The following MACROD2 variants were observed in gnomAD, a reference collection of about 807,000 sequenced individuals.
MACROD2 encodes the protein ADP-ribose glycohydrolase MACROD2.
MACROD2 carries 36 observed loss-of-function variants against 70.4 expected under a neutral mutation model. The observed-to-expected ratio is 0.51, with a 90% CI of 0.39 to 0.68. MACROD2 has a LOEUF of 0.68. MACROD2 is among the 30% of genes least tolerant of loss of function. The pLI is 0.00. For missense variants in MACROD2, 496 were observed against 538.4 expected, an observed-to-expected ratio of 0.92 and a Z score of 0.78; for synonymous variants, 172 against 178.8, an observed-to-expected ratio of 0.96 and a Z score of 0.30.
At chr20:14,923,781 C>T (rs1050619293) in intron 5 of MACROD2, among the ~76,000 whole-genome samples, 17 of 19,448 alleles carry the variant, frequency 8.7e-4, no homozygotes, top group African/African-American at 3.4e-3. Context: ...CCTAGGCTGG[C>T]GGTGCGTTGG....
chr20:14,132,129 CAAA>C (rs34790385), intron 3 of MACROD2, among the ~76,000 whole-genome samples: 1 of 96,600 alleles, frequency 1.0e-5, no homozygotes. Flanking sequence ...AGACTCTATC[CAAA>C]AAAAAAAAAA....
At chr20:14,370,649 T>C (rs1161034129) in intron 3 of MACROD2, among the ~76,000 whole-genome samples, 1 of 152,324 alleles carries the variant, frequency 6.6e-6, no homozygotes, top group East Asian at 1.9e-4. Context: ...ATAGCCTGTT[T>C]TAAGGATAGA....
intron 5 of MACROD2, among the ~76,000 whole-genome samples, chr20:14,869,600 T>C (rs976376036): frequency 9.8e-5 from 15 of 152,288 alleles, no homozygotes; most frequent in Admixed American, 3.3e-4. Context: ...ATAAATCTTC[T>C]TGTTGATGAA....
intron 3 of MACROD2, among the ~76,000 whole-genome samples, chr20:14,267,521 A>G (rs2082153771): frequency 6.6e-6 from 1 of 152,080 alleles, no homozygotes; most frequent in African/African-American, 2.4e-5. Context: ...AACATTCTAG[A>G]TATTCTCTAT....
At chr20:14,755,840 A>G (rs2071933601) in intron 5 of MACROD2, among the ~76,000 whole-genome samples, 1 of 151,882 alleles carries the variant, frequency 6.6e-6, no homozygotes, top group South Asian at 2.1e-4. Flanking sequence ...CTTCAAGAAA[A>G]CCCAAATTGT....
chr20:15,103,559 T>C (rs2075889181), intron 5 of MACROD2, among the ~76,000 whole-genome samples: 1 of 152,138 alleles, frequency 6.6e-6, no homozygotes, highest in East Asian at 1.9e-4. Context: ...TGTTGGACCA[T>C]TAGTATTGGC....
chr20:15,386,755 A>G (rs2146286686), intron 6 of MACROD2, among the ~76,000 whole-genome samples: 2 of 152,328 alleles, frequency 1.3e-5, no homozygotes, highest in Admixed American at 1.3e-4. Flanking sequence ...CCCCTTGTAC[A>G]ATAAAAGTGG....
intron 5 of MACROD2, among the ~76,000 whole-genome samples, chr20:14,720,567 T>TGTGTG (rs1302544169): frequency 8.9e-6 from 1 of 112,784 alleles, no homozygotes; most frequent in African/African-American, 3.7e-5. Flanking sequence ...TTTTTTTTTT[T>TGTGTG]TTTGTGAGGC....
chr20:15,399,004 G>A (rs1400910587), intron 6 of MACROD2, among the ~76,000 whole-genome samples: 2 of 152,006 alleles, frequency 1.3e-5, no homozygotes, highest in Non-Finnish European at 2.9e-5. Flanking sequence ...CTTCTGATAG[G>A]AAAAGCTGAT....
At chr20:15,274,681 C>G (rs1464863300) in intron 6 of MACROD2, among the ~76,000 whole-genome samples, 1 of 152,244 alleles carries the variant, frequency 6.6e-6, no homozygotes, top group Non-Finnish European at 1.5e-5. Flanking sequence ...GTTAGGTGCT[C>G]TCCTTTGTGC....
intron 3 of MACROD2, among the ~76,000 whole-genome samples, chr20:14,313,956 C>G (rs1398612276): frequency 6.6e-6 from 1 of 152,088 alleles, no homozygotes; most frequent in African/African-American, 2.4e-5. Context: ...CACTTTTTCC[C>G]AATAAAAGTG....
At chr20:14,056,534 T>C (rs2053632511) in intron 2 of MACROD2, among the ~76,000 whole-genome samples, 1 of 152,082 alleles carries the variant, frequency 6.6e-6, no homozygotes, top group African/African-American at 2.4e-5. Flanking sequence ...TAATAGAAGA[T>C]GCTGTTTTTG....
chr20:14,720,536 C>CT lies in MACROD2; in HGVS notation c.418+35611dup, dbSNP rs753673265. ...GTTTCATTTCCCAGCTGCCCCACAA[C>CT]TTTTTTTTTTTTTTTTTTTTTTTTT... On this transcript the variant is annotated intron_variant, in intron 5 of 17. Transcript: ENST00000684519. 5.5e-3 allele frequency among the ~76,000 whole-genome samples: 196 copies of CT among 35,900 alleles called. 38 individuals are homozygous for CT. Among genetic ancestry groups the CT allele is most frequent in the Middle Eastern group, 0.031 (1 of 32 alleles). 23.6% of individuals were successfully genotyped at this position (35,900 alleles called of 152,430 possible). A position where few individuals can be genotyped will look rare whatever the true frequency, so the allele number is the denominator to read the frequency against.
intron 6 of MACROD2, among the ~76,000 whole-genome samples, chr20:15,397,349 G>A (rs886514029): frequency 6.6e-6 from 1 of 151,940 alleles, no homozygotes; most frequent in African/African-American, 2.4e-5. Flanking sequence ...AGGCTGGAGT[G>A]CAGTGGCATG....
At chr20:14,684,464 T>A (rs2070974389) in intron 4 of MACROD2, among the ~76,000 whole-genome samples, 1 of 152,130 alleles carries the variant, frequency 6.6e-6, no homozygotes, top group African/African-American at 2.4e-5. Context: ...ATTGTGAGCA[T>A]TTCTTCTCAA....
intron 5 of MACROD2, among the ~76,000 whole-genome samples, chr20:14,709,506 A>G (rs1568751674): frequency 6.6e-6 from 1 of 152,176 alleles, no homozygotes; most frequent in Non-Finnish European, 1.5e-5. Context: ...GATCCAACAT[A>G]TATGTATTTA....
At chr20:15,914,273 G>A (rs2065279497) in intron 10 of MACROD2, among the ~76,000 whole-genome samples, 1 of 152,170 alleles carries the variant, frequency 6.6e-6, no homozygotes. Flanking sequence ...AGCAATTTCT[G>A]TTGTCCTTAT....
At chr20:14,435,328 G>T (rs956398951) in intron 3 of MACROD2, among the ~76,000 whole-genome samples, 5 of 152,134 alleles carry the variant, frequency 3.3e-5, no homozygotes, top group Non-Finnish European at 7.4e-5. Context: ...AATCCAGGAT[G>T]ATGTCATCTC....
rs13036861 is a variant in MACROD2, at chr20:14,471,139, G to A, written c.272-22340G>A. Among the ~76,000 whole-genome samples, 463 of 152,166 alleles carry A rather than the reference G, an allele frequency of 3.0e-3. 2 individuals are homozygous for A. Among genetic ancestry groups the A allele is most frequent in the Non-Finnish European group, 5.3e-3 (357 of 67,996 alleles). ...CTGGGCGGGAATGCACTGTCCCTCA[G>A]GGCACAATCCCTGTGGGCTTCCCTT... is the stretch of plus-strand genomic sequence containing the variant. On this transcript the variant is annotated intron_variant, in intron 3 of 17. Coordinates refer to ENST00000684519, the MANE Select transcript of MACROD2 (RefSeq NM_001351661.2).
Sources: gnomAD v4.1 joint callset for allele counts (sites outside exome capture counted in the v4.1 genomes callset) on GRCh38, gnomAD v4.1.1 for gene constraint, MANE v1.5 for transcripts, NCBI Gene and HGNC (gene_info 2026-07-23, HGNC 2026-07-21) for gene names.